CASD1: variants seen among roughly 807,000 people sequenced by gnomAD.
The protein encoded by CASD1 is N-acetylneuraminate (7)9-O-acetyltransferase.
A neutral mutation model predicts 100.0 loss-of-function variants in CASD1; 41 were observed. The ratio of observed to expected loss-of-function variants is 0.41; its 90% CI spans 0.32 to 0.53. The LOEUF is 0.53. Ranked by LOEUF, CASD1 falls within the 20% of genes least tolerant of loss-of-function variation. CASD1 has a pLI of 0.25. For synonymous variants in CASD1, 321 were observed against 315.6 expected, an observed-to-expected ratio of 1.02 and a Z score of -0.18; for missense variants, 774 against 948.7, an observed-to-expected ratio of 0.82 and a Z score of 2.42.
chr7:94,558,627 C>G (rs1393469208), downstream of CASD1, among the ~76,000 whole-genome samples: 1 of 152,106 alleles, frequency 6.6e-6, no homozygotes, highest in Admixed American at 6.6e-5. Context: ...TTCTTGTGTT[C>G]ATTCCCCAAA....
At chr7:94,524,533 A>C (rs1323623188) in intron 3 of CASD1, among the ~76,000 whole-genome samples, 1 of 152,162 alleles carries the variant, frequency 6.6e-6, no homozygotes, top group Non-Finnish European at 1.5e-5. Flanking sequence ...GATGTCTTAT[A>C]ACTGCTAGTG....
At chr7:94,528,641 T>C (rs1794694085) in intron 5 of CASD1, among the ~76,000 whole-genome samples, 2 of 152,184 alleles carry the variant, frequency 1.3e-5, no homozygotes, top group Admixed American at 1.3e-4. Flanking sequence ...TGTTTATTTG[T>C]TTTTATAGCC....
intron 5 of CASD1, 25 bp downstream of exon 5, chr7:94,528,275 T>A: frequency 1.6e-6 from 1 of 606,452 alleles, no homozygotes; most frequent in Non-Finnish European, 2.1e-6. Context: ...AACATAGGCT[T>A]TTTTTTTTTT....
intron 3 of CASD1, among the ~76,000 whole-genome samples, chr7:94,519,672 T>A (rs1231952286): frequency 6.6e-6 from 1 of 152,056 alleles, no homozygotes; most frequent in Non-Finnish European, 1.5e-5. Context: ...TTTTAATAAT[T>A]AAAAAAATTT....
At chr7:94,535,701 A>G (rs1324084035) in intron 8 of CASD1, among the ~76,000 whole-genome samples, 178 bp downstream of exon 8, 2 of 152,188 alleles carry the variant, frequency 1.3e-5, no homozygotes, top group African/African-American at 4.8e-5. Context: ...AGTTGAATAT[A>G]TACGTAAGAG....
At chr7:94,581,016 A>G in the CASD1 span, among the ~76,000 whole-genome samples, 2 of 152,180 alleles carry the variant, frequency 1.3e-5, no homozygotes, top group African/African-American at 4.8e-5. Flanking sequence ...AGAATCCCAT[A>G]AGGAAAGCTA....
At chr7:94,587,906 C>T in the CASD1 span, 2 of 1,476,910 alleles carry the variant, frequency 1.4e-6, no homozygotes, top group Non-Finnish European at 9.0e-7. Flanking sequence ...AAGAGACTTA[C>T]TTAATAGTTT....
chr7:94,538,624 A>G (rs1795231866), intron 9 of CASD1, among the ~76,000 whole-genome samples: 2 of 152,160 alleles, frequency 1.3e-5, no homozygotes, highest in Admixed American at 1.3e-4. Context: ...AAATTATAGA[A>G]TGCCATTTTT....
intron 3 of CASD1, chr7:94,524,242 A>G (rs1359923499): frequency 6.6e-6 from 1 of 152,148 alleles, no homozygotes; most frequent in Non-Finnish European, 1.5e-5. Flanking sequence ...AAGATACCTT[A>G]AGATAAAGAG....
chr7:94,612,823 G>A, the CASD1 span, among the ~76,000 whole-genome samples: 7 of 151,910 alleles, frequency 4.6e-5, no homozygotes, highest in African/African-American at 1.2e-4. Flanking sequence ...CTTGGTGATT[G>A]ACATCCCCAA....
the CASD1 span, among the ~76,000 whole-genome samples, chr7:94,615,877 C>T: frequency 6.6e-6 from 1 of 152,196 alleles, no homozygotes; most frequent in African/African-American, 2.4e-5. Flanking sequence ...TAAATACATC[C>T]ACAAGGCCTT....
the CASD1 span, chr7:94,629,197 C>T: frequency 6.6e-6 from 1 of 152,374 alleles, no homozygotes; most frequent in South Asian, 2.1e-4. Context: ...CTCAAAATAA[C>T]ATATTTAAAC....
the CASD1 span, chr7:94,599,808 A>G: frequency 2.0e-6 from 2 of 982,888 alleles, no homozygotes; most frequent in Non-Finnish European, 3.3e-6. Flanking sequence ...ATCTTGCATG[A>G]TGTGGAAATG....
At chr7:94,603,138 A>G in the CASD1 span, 4 of 624,654 alleles carry the variant, frequency 6.4e-6, no homozygotes, top group South Asian at 1.9e-5. Flanking sequence ...TGCACTGTCA[A>G]CGAGCTTACC....
rs1795985250 is a variant in CASD1, at chr7:94,552,250, A to G, written c.1957-100A>G. On this transcript the variant is annotated intron_variant, in intron 15 of 17. Coordinates refer to ENST00000297273, the MANE Select transcript of CASD1 (RefSeq NM_022900.5). ...TAGTTTTTACATAGCATAATGAAGT[A>G]TAATGTTATAAATAAAGAACTGTAA... 21 of 777,494 alleles carry G rather than the reference A, an allele frequency of 2.7e-5. No homozygotes were observed. The South Asian group carries it at 3.3e-4, about 12-fold the overall frequency. The allele number at this position is 777,494 out of a possible 1,614,324, so 48.2% of individuals were successfully genotyped here.
At chr7:94,546,165 C>T (rs1305014731) in intron 12 of CASD1, among the ~76,000 whole-genome samples, 2 of 151,814 alleles carry the variant, frequency 1.3e-5, no homozygotes, top group African/African-American at 4.8e-5. Flanking sequence ...ATGTCAAACA[C>T]AATTTAAAAG....
the CASD1 span, chr7:94,598,283 A>G: frequency 5.5e-6 from 1 of 180,758 alleles, no homozygotes; most frequent in African/African-American, 2.4e-5. Flanking sequence ...ATAGGTGTTT[A>G]TAGTCCAAAT....
the CASD1 span, among the ~76,000 whole-genome samples, chr7:94,591,148 GTATT>G: frequency 6.6e-6 from 1 of 152,202 alleles, no homozygotes; most frequent in Middle Eastern, 3.4e-3. Flanking sequence ...TTCACACAAT[GTATT>G]TATATTGGTT....
chr7:94,550,626 C>T (rs944207815), intron 14 of CASD1, among the ~76,000 whole-genome samples: 3 of 152,114 alleles, frequency 2.0e-5, no homozygotes, highest in South Asian at 4.2e-4. Flanking sequence ...TTCATAGACA[C>T]TTGACTTCTC....
Sources: gnomAD v4.1 joint callset for allele counts (sites outside exome capture counted in the v4.1 genomes callset) on GRCh38, gnomAD v4.1.1 for gene constraint, MANE v1.5 for transcripts, NCBI Gene and HGNC (gene_info 2026-07-23, HGNC 2026-07-21) for gene names.